Variants in DRC9 observed in about 807,000 individuals in gnomAD.
DRC9 encodes dynein regulatory complex protein 9.
the DRC9 span, among the ~76,000 whole-genome samples, chr3:197,921,541 G>A: frequency 6.6e-6 from 1 of 150,638 alleles, no homozygotes; most frequent in Non-Finnish European, 1.5e-5. Context: ...GTAACTCCGG[G>A]GATTTAACTT....
At chr3:197,899,571 A>T in the DRC9 span, among the ~76,000 whole-genome samples, 3 of 152,224 alleles carry the variant, frequency 2.0e-5, no homozygotes, top group Non-Finnish European at 4.4e-5. Context: ...GAAAAATTTT[A>T]AAAATCCATG....
the DRC9 span, chr3:197,913,341 C>CGTGCGTGT: frequency 5.3e-6 from 1 of 187,536 alleles, no homozygotes; most frequent in Non-Finnish European, 9.9e-6. Flanking sequence ...TGCGTGCGTG[C>CGTGCGTGT]GTGCGTGTGT....
chr3:197,913,175 G>A, the DRC9 span: 1 of 169,922 alleles, frequency 5.9e-6, no homozygotes, highest in African/African-American at 2.4e-5. Flanking sequence ...CCATCTGCCT[G>A]CTGCTCTTTC....
chr3:197,916,828 G>A, the DRC9 span, among the ~76,000 whole-genome samples: 14 of 151,820 alleles, frequency 9.2e-5, no homozygotes, highest in African/African-American at 3.4e-4. Flanking sequence ...TCCCTGGGCC[G>A]CACTGGAAGA....
chr3:197,936,573 A>AGCTGG, the DRC9 span, among the ~76,000 whole-genome samples: 1 of 152,074 alleles, frequency 6.6e-6, no homozygotes. Context: ...TATGTTACCC[A>AGCTGG]GCTGGTTTCA....
the DRC9 span, among the ~76,000 whole-genome samples, chr3:197,930,181 C>G: frequency 6.7e-6 from 1 of 149,724 alleles, no homozygotes; most frequent in South Asian, 2.1e-4. Context: ...ATGGCAAAAC[C>G]CCATCTCTAC....
At chr3:197,946,369 A>G in the DRC9 span, among the ~76,000 whole-genome samples, 1 of 143,800 alleles carries the variant, frequency 7.0e-6, no homozygotes, top group Non-Finnish European at 1.5e-5. Context: ...TGGGAGGCAG[A>G]GCTTGCAGTG....
chr3:197,955,981 G>A, the DRC9 span: 1 of 565,920 alleles, frequency 1.8e-6, no homozygotes, highest in Non-Finnish European at 3.2e-6. Flanking sequence ...TTTAATGCGA[G>A]TATCTTTGAC....
the DRC9 span, among the ~76,000 whole-genome samples, chr3:197,917,925 G>C: frequency 2.0e-5 from 3 of 151,690 alleles, no homozygotes; most frequent in Non-Finnish European, 4.4e-5. Context: ...AGTAGAGATG[G>C]GGTTTCACCA....
chr3:197,922,531 C>T, the DRC9 span, among the ~76,000 whole-genome samples: 1 of 151,928 alleles, frequency 6.6e-6, no homozygotes, highest in African/African-American at 2.4e-5. Context: ...TATGGTGAAA[C>T]CCCATCTCTA....
At chr3:197,950,651 G>A in the DRC9 span, 1 of 492,594 alleles carries the variant, frequency 2.0e-6, no homozygotes, top group African/African-American at 1.9e-5. Flanking sequence ...GTTGCCTACT[G>A]ATAACGGCAT....
the DRC9 span, chr3:197,913,048 T>G: frequency 3.1e-6 from 1 of 326,080 alleles, no homozygotes; most frequent in Non-Finnish European, 5.7e-6. Flanking sequence ...AAAAGGGGGA[T>G]TCCGGAGTGC....
At chr3:197,952,318 C>T in the DRC9 span, among the ~76,000 whole-genome samples, 2 of 150,418 alleles carry the variant, frequency 1.3e-5, no homozygotes, top group African/African-American at 4.9e-5. Context: ...TACAGGCGGC[C>T]GCCACCATGC....
At chr3:197,922,098 G>A in the DRC9 span, among the ~76,000 whole-genome samples, 1 of 152,168 alleles carries the variant, frequency 6.6e-6, no homozygotes, top group Non-Finnish European at 1.5e-5. Flanking sequence ...GGCTTGCCTT[G>A]GATCTTCTAG....
chr3:197,950,601 G>C, the DRC9 span: 1 of 380,812 alleles, frequency 2.6e-6, no homozygotes, highest in Non-Finnish European at 4.7e-6. Flanking sequence ...AAAGTCTTAC[G>C]TGTGTGTTTC....
the DRC9 span, among the ~76,000 whole-genome samples, chr3:197,894,000 A>G: frequency 6.6e-6 from 1 of 152,240 alleles, no homozygotes; most frequent in African/African-American, 2.4e-5. Context: ...AAATAAAATG[A>G]AAGAGATATA....
chr3:197,941,310 C>CCT, the DRC9 span, among the ~76,000 whole-genome samples: 1 of 101,358 alleles, frequency 9.9e-6, no homozygotes, highest in Admixed American at 1.0e-4. Context: ...CTCCCTCCTT[C>CCT]CCTTTCTTCC....
chr3:197,911,441 A>C, the DRC9 span, among the ~76,000 whole-genome samples: 7 of 152,230 alleles, frequency 4.6e-5, 1 homozygote, highest in South Asian at 1.4e-3. Flanking sequence ...CATTATTTAT[A>C]ATAACAAACT....
At chr3:197,929,108 C>CA in the DRC9 span, among the ~76,000 whole-genome samples, 1 of 152,206 alleles carries the variant, frequency 6.6e-6, no homozygotes, top group Non-Finnish European at 1.5e-5. The surrounding 1 kb of genome is among the most constrained non-coding windows in gnomAD (Gnocchi z 4.6). Context: ...GGACACCAGA[C>CA]ACAGCTGGAG....
Sources: gnomAD v4.1 joint callset for allele counts (sites outside exome capture counted in the v4.1 genomes callset) on GRCh38, gnomAD v4.1.1 for gene constraint, Gnocchi (gnomAD v3.1) non-coding constraint, MANE v1.5 for transcripts, NCBI Gene and HGNC (gene_info 2026-07-23, HGNC 2026-07-21) for gene names.